The following ARPC1B variants were observed in gnomAD, a reference collection of about 807,000 sequenced individuals.
ARPC1B encodes actin-related protein 2/3 complex subunit 1B.
In ARPC1B, 29 loss-of-function variants were observed where a neutral mutation model predicts 46.0. The ratio of observed to expected loss-of-function variants is 0.63; its 90% CI spans 0.47 to 0.86. The LOEUF (loss-of-function observed/expected upper bound fraction) is 0.86. Among genes scored for constraint, ARPC1B ranks in the 40% least tolerant of loss-of-function variants. ARPC1B has a pLI of 0.00. For synonymous variants in ARPC1B, 201 were observed against 213.9 expected, an observed-to-expected ratio of 0.94 and a Z score of 0.53; for missense variants, 469 against 529.4, an observed-to-expected ratio of 0.89 and a Z score of 1.12.
intron 1 of ARPC1B, among the ~76,000 whole-genome samples, chr7:99,378,561 T>A (rs573767775): frequency 6.6e-6 from 1 of 151,096 alleles, no homozygotes; most frequent in Admixed American, 6.6e-5. Flanking sequence ...TGGGCACCTG[T>A]AGTTCCACCT....
At chr7:99,389,873 T>C (rs777795291) in intron 4 of ARPC1B, 32 bp from the exon 5 acceptor site, 3 of 1,584,078 alleles carry the variant, frequency 1.9e-6, no homozygotes, top group South Asian at 2.2e-5. Context: ...TGCCTGTCCC[T>C]CTCTCCCTGT....
rs910248039 is a variant in ARPC1B at position 99,378,887 on chromosome 7, T to C, written c.-14+4106T>C. Among the ~76,000 whole-genome samples, 6 of 148,134 alleles carry C rather than the reference T, an allele frequency of 4.1e-5. 1 individual carries two copies. In the South Asian group the frequency reaches 1.1e-3, roughly 27 times the overall value. ...CGCCTTCCGGGTTCACGCCATTCTCTTGCCTCAGCCTCCCGAGTAGCTGGG... is the reference window on the plus strand; with the variant it reads ...CGCCTTCCGGGTTCACGCCATTCTCCTGCCTCAGCCTCCCGAGTAGCTGGG... On this transcript the variant is annotated intron_variant, in intron 1 of 9. Transcript: ENST00000646101.
At chr7:99,379,738 T>TCAC (rs1794153178) in intron 1 of ARPC1B, among the ~76,000 whole-genome samples, 1 of 151,364 alleles carries the variant, frequency 6.6e-6, no homozygotes, top group Non-Finnish European at 1.5e-5. Flanking sequence ...TTAGAGTGCC[T>TCAC]CACCACCACC....
chr7:99,393,840 G>C lies in ARPC1B; in HGVS notation c.990-189G>C, dbSNP rs111456837. On this transcript the variant is annotated intron_variant, in intron 8 of 9. Transcript: ENST00000646101. ...CTGCCTCCCAGGACTTGAGTGTCCT[G>C]TCCCATTTGCCTGCACCTCGCATGC... is the stretch of plus-strand genomic sequence containing the variant. Among the ~76,000 whole-genome samples, 523 of 152,202 alleles carry C rather than the reference G, an allele frequency of 3.4e-3. 3 individuals carry two copies. The highest frequency in any genetic ancestry group is 0.01 in the African/African-American group (424 of 41,524).
chr7:99,389,720 G>A (rs1260880316), intron 4 of ARPC1B, 185 bp from the exon 5 acceptor site: 2 of 613,360 alleles, frequency 3.3e-6, no homozygotes, highest in African/African-American at 1.8e-5. Context: ...CTCCAGAAGC[G>A]ACACAGCACA....
intron 1 of ARPC1B, among the ~76,000 whole-genome samples, chr7:99,377,666 A>G (rs1251296863): frequency 7.0e-6 from 1 of 142,392 alleles, no homozygotes; most frequent in African/African-American, 2.6e-5. Flanking sequence ...GCGGAGTTTC[A>G]CTCTGTCGCC....
intron 1 of ARPC1B, among the ~76,000 whole-genome samples, chr7:99,383,097 G>A (rs976199450): frequency 2.0e-5 from 3 of 151,924 alleles, no homozygotes; most frequent in Non-Finnish European, 2.9e-5. Flanking sequence ...CGCCCGCCTC[G>A]GCCTCCCAAA....
intron 8 of ARPC1B, among the ~76,000 whole-genome samples, chr7:99,393,299 G>T (rs978594967): frequency 2.0e-5 from 3 of 152,214 alleles, no homozygotes; most frequent in African/African-American, 7.2e-5. Context: ...AGACGGGGTC[G>T]ACCTCTTTAG....
At chr7:99,386,857 G>A (rs536964429) in intron 3 of ARPC1B, 68 bp downstream of exon 3, 3 of 1,194,176 alleles carry the variant, frequency 2.5e-6, no homozygotes, top group Non-Finnish European at 3.7e-6. Context: ...GTGCAAGGCA[G>A]GGCATGGCCA....
Position 99,392,807 on chromosome 7 carries a change from A to T in ARPC1B, c.920A>T (p.Lys307Met). The change falls in exon 8 of 10, where the codon AAG becomes ATG. Residue 307 changes from lysine (K) to methionine (M), a missense_variant. Transcript: ENST00000646101. ...CGCGAGCGCTTCCAGAACCTGGACA[A>T]GAAGGCGAGCTCCGAGGGTGGCACG... Reference protein sequence around the residue: ...TARERFQNLDKKASSEGGTAA... With the variant: ...TARERFQNLDMKASSEGGTAA... 1 of 1,550,210 alleles carries T rather than the reference A, an allele frequency of 6.5e-7. No individual in the cohort carries two copies. The highest frequency in any genetic ancestry group is 8.7e-7 in the Non-Finnish European group (1 of 1,146,798).
rs368961963 is a variant in ARPC1B, at chr7:99,392,637, C to T, written c.784-34C>T. On this transcript the variant is annotated intron_variant, in intron 7 of 9. Coordinates refer to ENST00000646101, the MANE Select transcript of ARPC1B (RefSeq NM_005720.4). ...TTCCCTCCGGCCTCGGTTTCCCCTCCGCGGCGCTCCAATGGCCCCCGCCCT... is the reference window on the plus strand; with the variant it reads ...TTCCCTCCGGCCTCGGTTTCCCCTCTGCGGCGCTCCAATGGCCCCCGCCCT... The T allele has an allele frequency of 8.9e-5, 128 of 1,446,214 alleles. No homozygotes were observed. The East Asian group carries it at 2.3e-3, about 26-fold the overall frequency. The allele number at this position is 1,446,214 out of a possible 1,614,324, so 89.6% of individuals were successfully genotyped here. A position where few individuals can be genotyped will look rare whatever the true frequency, so the allele number is the denominator to read the frequency against.
At chr7:99,381,893 C>T (rs1285360264) in intron 1 of ARPC1B, among the ~76,000 whole-genome samples, 1 of 152,254 alleles carries the variant, frequency 6.6e-6, no homozygotes, top group Non-Finnish European at 1.5e-5. Context: ...AGCCACCGGC[C>T]TCCTGGGGCA....
At chr7:99,389,883 T>A (rs1375625407) in intron 4 of ARPC1B, 22 bp from the exon 5 acceptor site, 1 of 1,604,434 alleles carries the variant, frequency 6.2e-7, no homozygotes, top group South Asian at 1.1e-5. Context: ...TCTCTCCCTG[T>A]CTGCCTGACC....
chr7:99,394,141 T>C, intron 9 of ARPC1B, 22 bp downstream of exon 9: 2 of 1,610,874 alleles, frequency 1.2e-6, no homozygotes, highest in Non-Finnish European at 1.7e-6. Flanking sequence ...CCCTCCTGGC[T>C]TCCCGCCATG....
At chr7:99,385,830 G>A in intron 2 of ARPC1B, 52 bp downstream of exon 2, 2 of 1,550,434 alleles carry the variant, frequency 1.3e-6, no homozygotes, top group Non-Finnish European at 1.7e-6. Flanking sequence ...CCTGGGATGG[G>A]GACCAGCCAG....
At chr7:99,383,763 T>TG (rs775535848) in intron 1 of ARPC1B, among the ~76,000 whole-genome samples, 1 of 152,040 alleles carries the variant, frequency 6.6e-6, no homozygotes, top group Non-Finnish European at 1.5e-5. Context: ...CCGAGGCAGG[T>TG]GCATGCCTGT....
intron 1 of ARPC1B, among the ~76,000 whole-genome samples, chr7:99,382,841 C>CA (rs1794269068): frequency 7.1e-6 from 1 of 141,572 alleles, no homozygotes; most frequent in African/African-American, 2.8e-5. Context: ...TCATTCCTAA[C>CA]CTTTTTTTTT....
At position 99,390,993 on chromosome 7, in the gene ARPC1B, A is replaced by G. The variant is rs769279045; in HGVS notation, c.601A>G (p.Ser201Gly). 2 of 1,614,036 alleles carry G rather than the reference A, an allele frequency of 1.2e-6. No homozygotes were observed. Among genetic ancestry groups the G allele is most frequent in the Admixed American group, 1.7e-5 (1 of 60,030 alleles). ...FGELMFESSS[S>G]CGWVHGVCFS... Reference sequence around the variant, plus strand: ...GGAACTGATGTTCGAATCCAGCAGTAGCTGCGGCTGGGTACATGGCGTCTG... The same window carrying G: ...GGAACTGATGTTCGAATCCAGCAGTGGCTGCGGCTGGGTACATGGCGTCTG... The change falls in exon 6 of 10, where the codon AGC becomes GGC. Residue 201 changes from serine (S) to glycine (G), a missense_variant. Coordinates refer to ENST00000646101, the MANE Select transcript of ARPC1B (RefSeq NM_005720.4).
chr7:99,387,405 G>C (rs571039923), intron 3 of ARPC1B, among the ~76,000 whole-genome samples: 4 of 152,158 alleles, frequency 2.6e-5, no homozygotes, highest in African/African-American at 9.6e-5. Flanking sequence ...CTGCACTCCA[G>C]CCTGGATGGC....
Sources: gnomAD v4.1 joint callset for allele counts (sites outside exome capture counted in the v4.1 genomes callset) on GRCh38, gnomAD v4.1.1 for gene constraint, MANE v1.5 for transcripts, NCBI Gene and HGNC (gene_info 2026-07-23, HGNC 2026-07-21) for gene names.